Variants in TBC1D10B observed in about 807,000 individuals in gnomAD.
The protein encoded by TBC1D10B is Rab27A-GAPbeta.
In TBC1D10B, 25 loss-of-function variants were observed where a neutral mutation model predicts 78.4. The ratio of observed to expected loss-of-function variants is 0.32; its 90% CI spans 0.23 to 0.45. The LOEUF is 0.45. TBC1D10B is among the 20% of genes least tolerant of loss of function. The pLI is 1.00. For synonymous variants in TBC1D10B, 517 were observed against 478.0 expected, an observed-to-expected ratio of 1.08 and a Z score of -1.06; for missense variants, 996 against 1,104.8, an observed-to-expected ratio of 0.90 and a Z score of 1.40.
chr16:30,363,704 A>C (rs998944839), intron 4 of TBC1D10B, among the ~76,000 whole-genome samples: 1 of 152,246 alleles, frequency 6.6e-6, no homozygotes, highest in Non-Finnish European at 1.5e-5. Context: ...CCACTAAAAT[A>C]TAAACACCAT....
rs374390807 is a variant in TBC1D10B, at chr16:30,370,028, C to T, written c.156G>A (p.Leu52=). 3.2e-6 allele frequency: 4 copies of T among 1,231,312 alleles called. No homozygotes were observed. The highest frequency in any genetic ancestry group is 6.3e-5 in the East Asian group (2 of 31,602). The allele number at this position is 1,231,312 out of a possible 1,614,324, so 76.3% of individuals were successfully genotyped here. A position where few individuals can be genotyped will look rare whatever the true frequency, so the allele number is the denominator to read the frequency against. Residue 52 remains leucine, a synonymous_variant, in exon 1 of 9, where the codon CTG becomes CTA. Coordinates refer to ENST00000409939, the MANE Select transcript of TBC1D10B (RefSeq NM_015527.4). The part of the protein sequence containing the change: ...VTTATSAPVT[L]VAPGEARPAW... Reference sequence around the variant, plus strand: ...CGGGCCGCGCCTCCCCGGGGGCCACCAGGGTGACGGGGGCCGAAGTGGCCG... The same window carrying T: ...CGGGCCGCGCCTCCCCGGGGGCCACTAGGGTGACGGGGGCCGAAGTGGCCG...
At position 30,370,277 on chromosome 16, in the gene TBC1D10B, A is replaced by C. The variant is rs948676695; in HGVS notation, c.-94T>G. The C allele has an allele frequency of 3.9e-4, 244 of 623,788 alleles. No individual in the cohort carries two copies. Among genetic ancestry groups the C allele is most frequent in the Non-Finnish European group, 5.0e-4 (238 of 475,132 alleles). The allele number at this position is 623,788 out of a possible 1,614,324, so 38.6% of individuals were successfully genotyped here. Reference sequence around the variant, plus strand: ...GGCGAGGCCAGCCGAGAAAGGGGAGAGGGCGAAGGGCGCGGCTCGGCGCGC... The same window carrying C: ...GGCGAGGCCAGCCGAGAAAGGGGAGCGGGCGAAGGGCGCGGCTCGGCGCGC... On this transcript the variant is annotated 5_prime_UTR_variant, in exon 1 of 9. Coordinates refer to ENST00000409939, the MANE Select transcript of TBC1D10B (RefSeq NM_015527.4).
At chr16:30,368,638 T>A (rs377057762) in intron 1 of TBC1D10B, among the ~76,000 whole-genome samples, 12 of 152,158 alleles carry the variant, frequency 7.9e-5, no homozygotes, top group South Asian at 6.2e-4. Flanking sequence ...AAGAGGCCTC[T>A]CCCACCCTTT....
intron 4 of TBC1D10B, among the ~76,000 whole-genome samples, chr16:30,362,192 C>A (rs917447020): frequency 6.6e-6 from 1 of 151,646 alleles, no homozygotes; most frequent in East Asian, 1.9e-4. Flanking sequence ...ACCATGTTGG[C>A]CAGGCTGGTC....
At chr16:30,362,596 C>A (rs2049606347) in intron 4 of TBC1D10B, among the ~76,000 whole-genome samples, 1 of 152,168 alleles carries the variant, frequency 6.6e-6, no homozygotes, top group African/African-American at 2.4e-5. Context: ...TTCATCCAGT[C>A]TCGTGGGTAA....
chr16:30,358,697 T>C lies in TBC1D10B; in HGVS notation c.1763A>G (p.Gln588Arg), dbSNP rs200138354. The change falls in exon 8 of 9, where the codon CAG becomes CGG. Residue 588 changes from glutamine to arginine, a missense_variant. Physicochemically the swap from Gln to Arg is conservative, Grantham distance 43 (BLOSUM62 1). This residue lies in a region of TBC1D10B where 168 missense variants were observed against 238.7 expected (regional missense o/e 0.70). Transcript: ENST00000409939. Reference protein sequence around the residue: ...ETMEQLRNLPQQCMQEDFLVH... With the variant: ...ETMEQLRNLPRQCMQEDFLVH... ...CAGGAAGTCTTCCTGCATGCACTGC[T>C]GGGGCAGGTTACGCAGCTGCTCCAT... is the stretch of plus-strand genomic sequence containing the variant. 7.5e-5 allele frequency: 120 copies of C among 1,610,292 alleles called. No homozygotes were observed. Among genetic ancestry groups the C allele is most frequent in the Non-Finnish European group, 9.7e-5 (114 of 1,177,490 alleles).
intron 4 of TBC1D10B, among the ~76,000 whole-genome samples, chr16:30,361,981 C>T (rs1210001573): frequency 6.6e-6 from 1 of 152,060 alleles, no homozygotes; most frequent in Non-Finnish European, 1.5e-5. Context: ...CGAGTAGCTG[C>T]AACTACAGGC....
chr16:30,369,470 C>T lies in TBC1D10B; in HGVS notation c.714G>A (p.Glu238=), dbSNP rs1209993389. Residue 238 remains glutamate (E), a synonymous_variant, in exon 1 of 9, where the codon GAG becomes GAA. Coordinates refer to ENST00000409939, the MANE Select transcript of TBC1D10B (RefSeq NM_015527.4). The surrounding 1 kb of genome is among the most constrained non-coding windows in gnomAD (Gnocchi z 4.3). ...VAVVTVTPAP[E]PAENSQDLGS... is the part of the protein sequence containing the mutation. Reference sequence around the variant, plus strand: ...CCAGGTCTTGAGAGTTTTCAGCAGGCTCCGGAGCTGGGGTCACGGTCACGA... The same window carrying T: ...CCAGGTCTTGAGAGTTTTCAGCAGGTTCCGGAGCTGGGGTCACGGTCACGA... The T allele has an allele frequency of 6.4e-7, 1 of 1,551,708 alleles. No individual in the cohort carries two copies. Among genetic ancestry groups the T allele is most frequent in the African/African-American group, 1.4e-5 (1 of 73,190 alleles).
In TBC1D10B at chr16:30,358,188, C is replaced by G; in HGVS notation, c.2183G>C (p.Arg728Pro). 1.3e-6 allele frequency: 2 copies of G among 1,552,222 alleles called. No individual in the cohort carries two copies. Among genetic ancestry groups the G allele is most frequent in the Non-Finnish European group, 1.7e-6 (2 of 1,147,082 alleles). ...CTGCCGCTCCTTCTCCTGTTTCTGC[C>G]GCTCCTTCTCCTGCTTCCGGGTCTC... The part of the protein sequence containing the change: ...SKETRKQEKE[R>P]QKQEKERQKQ... The change falls in exon 9 of 9, where the codon CGG becomes CCG. Residue 728 changes from arginine to proline, a missense_variant. By Grantham distance (103) the Arg-to-Pro change is moderately radical. Transcript: ENST00000409939.
chr16:30,368,589 GGAAA>G (rs1305550862), intron 1 of TBC1D10B, among the ~76,000 whole-genome samples: 2 of 152,106 alleles, frequency 1.3e-5, no homozygotes, highest in African/African-American at 4.8e-5. Flanking sequence ...GAGAGAACTA[GGAAA>G]GAGTCAGCCC....
intron 4 of TBC1D10B, among the ~76,000 whole-genome samples, chr16:30,363,911 T>G (rs374722582): frequency 6.6e-6 from 1 of 151,502 alleles, no homozygotes; most frequent in Admixed American, 6.6e-5. Context: ...AGGTCAGGAG[T>G]TCGAGACCAG....
At chr16:30,367,278 G>C (rs1203256957) in intron 1 of TBC1D10B, 1 of 152,024 alleles carries the variant, frequency 6.6e-6, no homozygotes, top group East Asian at 1.9e-4. Flanking sequence ...TTGAGAAACT[G>C]CATATAAACA....
At chr16:30,363,267 C>T (rs1025871899) in intron 4 of TBC1D10B, among the ~76,000 whole-genome samples, 1 of 152,160 alleles carries the variant, frequency 6.6e-6, no homozygotes. Context: ...CCCATACTCC[C>T]GCTGCTACCA....
Position 30,369,972 on chromosome 16 carries a change from G to A in TBC1D10B, c.212C>T (p.Ala71Val), listed in dbSNP as rs1596992019. The change falls in exon 1 of 9, where the codon GCT becomes GTT. Residue 71 changes from alanine (A) to valine (V), a missense_variant. Physicochemically the swap from Ala to Val is moderately conservative, Grantham distance 64. Around this residue, in one of 5 missense-constraint regions of TBC1D10B, gnomAD observed 448 missense variants for 442.1 expected, o/e 1.01. Coordinates refer to ENST00000409939, the MANE Select transcript of TBC1D10B (RefSeq NM_015527.4). The surrounding 1 kb of genome is among the most constrained non-coding windows in gnomAD (Gnocchi z 4.3). ...GGCCGGGGCTGGGGCCGGGGCCGGA[G>A]CAGAGGTCTCGGCCGACCCCGGGAC... is the stretch of plus-strand genomic sequence containing the variant. ...AWVPGSAETS[A>V]PAPAPAPAPA... The A allele has an allele frequency of 7.8e-7, 1 of 1,277,246 alleles. No individual in the cohort carries two copies. Among genetic ancestry groups the A allele is most frequent in the Non-Finnish European group, 9.9e-7 (1 of 1,013,788 alleles). 79.1% of individuals were successfully genotyped at this position (1,277,246 alleles called of 1,614,324 possible). A position where few individuals can be genotyped will look rare whatever the true frequency, so the allele number is the denominator to read the frequency against.
chr16:30,363,451 T>C (rs1263161798), intron 4 of TBC1D10B, among the ~76,000 whole-genome samples: 1 of 152,108 alleles, frequency 6.6e-6, no homozygotes, highest in African/African-American at 2.4e-5. Flanking sequence ...TCTATTTCCC[T>C]CTTGCTTTAA....
At position 30,365,654 on chromosome 16, in the gene TBC1D10B, G is replaced by C. The variant is rs911425344; in HGVS notation, c.957-60C>G. The stretch of plus-strand genomic sequence containing the variant: ...GCAATAGTGTAAAACCTGCATTGCA[G>C]GGGGAACTGAGGCAAGCCACCTCCC... On this transcript the variant is annotated intron_variant, in intron 1 of 8. Transcript: ENST00000409939. This position sits in a 1 kb window ranked among gnomAD's most constrained non-coding sequence, Gnocchi z 5.0. The C allele has an allele frequency of 6.6e-7, 1 of 1,520,848 alleles. No individual in the cohort carries two copies. Among genetic ancestry groups the C allele is most frequent in the African/African-American group, 1.4e-5 (1 of 73,210 alleles). 94.2% of individuals were successfully genotyped at this position (1,520,848 alleles called of 1,614,324 possible). A position where few individuals can be genotyped will look rare whatever the true frequency, so the allele number is the denominator to read the frequency against.
At position 30,365,621 on chromosome 16, in the gene TBC1D10B, G is replaced by A. The variant is rs761295634; in HGVS notation, c.957-27C>T. On this transcript the variant is annotated intron_variant, in intron 1 of 8. Transcript: ENST00000409939. The surrounding 1 kb of genome is among the most constrained non-coding windows in gnomAD (Gnocchi z 5.0). ...TGCAGGGTCGGGGGAGCACGGAAGG[G>A]GTCAGTAGCAATAGTGTAAAACCTG... The A allele has an allele frequency of 3.1e-6, 5 of 1,608,248 alleles. No homozygotes were observed. In the Admixed American group the frequency reaches 8.3e-5, roughly 27 times the overall value.
Position 30,369,444 on chromosome 16 carries a change from C to A in TBC1D10B, c.740G>T (p.Gly247Val). 1 of 1,555,698 alleles carries A rather than the reference C, an allele frequency of 6.4e-7. No individual in the cohort carries two copies. Among genetic ancestry groups the A allele is most frequent in the East Asian group, 2.4e-5 (1 of 41,170 alleles). The change falls in exon 1 of 9, where the codon GGC becomes GTC. Residue 247 changes from glycine (G) to valine (V), a missense_variant. Physicochemically the swap from Gly to Val is moderately radical, Grantham distance 109. Around this residue, in one of 5 missense-constraint regions of TBC1D10B, gnomAD observed 448 missense variants for 442.1 expected, o/e 1.01. Transcript: ENST00000409939. The surrounding 1 kb of genome is among the most constrained non-coding windows in gnomAD (Gnocchi z 4.3). Reference sequence around the variant, plus strand: ...GCCAGGTCCCAGGCTGGACGTGGAGCCCAGGTCTTGAGAGTTTTCAGCAGG... The same window carrying A: ...GCCAGGTCCCAGGCTGGACGTGGAGACCAGGTCTTGAGAGTTTTCAGCAGG... ...PEPAENSQDL[G>V]STSSLGPGIS... is the part of the protein sequence containing the mutation.
In TBC1D10B at chr16:30,369,439, T is replaced by G; in HGVS notation, c.745A>C (p.Thr249Pro). The change falls in exon 1 of 9, where the codon ACG becomes CCG. Residue 249 changes from threonine to proline, a missense_variant. Physicochemically the swap from Thr to Pro is conservative, Grantham distance 38. Coordinates refer to ENST00000409939, the MANE Select transcript of TBC1D10B (RefSeq NM_015527.4). The surrounding 1 kb of genome is among the most constrained non-coding windows in gnomAD (Gnocchi z 4.3). The part of the protein sequence containing the change: ...PAENSQDLGS[T>P]SSLGPGISGP... ...GAGATGCCAGGTCCCAGGCTGGACG[T>G]GGAGCCCAGGTCTTGAGAGTTTTCA... 1 of 1,557,976 alleles carries G rather than the reference T, an allele frequency of 6.4e-7. No homozygotes were observed. Among genetic ancestry groups the G allele is most frequent in the Non-Finnish European group, 8.7e-7 (1 of 1,150,796 alleles).
Sources: allele counts gnomAD v4.1 joint callset (sites outside exome capture counted in the v4.1 genomes callset), GRCh38; gene constraint gnomAD v4.1.1; regional missense constraint gnomAD v4.1.1; non-coding constraint Gnocchi (gnomAD v3.1); transcripts MANE v1.5; gene names NCBI Gene and HGNC (gene_info 2026-07-23, HGNC 2026-07-21).